The following PDLIM5 variants were observed in gnomAD, a reference collection of about 807,000 sequenced individuals.
PDLIM5 encodes the protein PDZ and LIM domain 5, also known as PDZ and LIM domain protein 5.
Under a neutral mutation model 64.2 loss-of-function variants are expected in PDLIM5, and 34 were observed. The ratio of observed to expected loss-of-function variants is 0.53; its 90% CI spans 0.40 to 0.71. PDLIM5 has a LOEUF of 0.71. Ranked by LOEUF, PDLIM5 falls within the 30% of genes least tolerant of loss-of-function variation. The probability of loss-of-function intolerance (pLI) is 0.00; values close to 1 mark genes in which losing one functional copy is unlikely to be tolerated. For missense variants in PDLIM5, 683 were observed against 733.6 expected (o/e 0.93, Z 0.80); for synonymous variants, 253 against 269.1 (o/e 0.94, Z 0.59).
chr4:94,646,482 T>A (rs1055999842), intron 9 of PDLIM5, among the ~76,000 whole-genome samples: 2 of 152,206 alleles, frequency 1.3e-5, no homozygotes, highest in African/African-American at 4.8e-5. Context: ...AGCCACCCAG[T>A]CTGTGGTACT....
chr4:94,584,782 T>A, intron 5 of PDLIM5: 2 of 515,274 alleles, frequency 3.9e-6, no homozygotes, highest in Non-Finnish European at 7.0e-6. Flanking sequence ...AGCAGCATAT[T>A]GATATTAATG....
intron 3 of PDLIM5, among the ~76,000 whole-genome samples, chr4:94,560,599 G>A (rs551656878): frequency 1.3e-5 from 2 of 152,298 alleles, no homozygotes; most frequent in South Asian, 4.1e-4. Flanking sequence ...ACTTGTCCCA[G>A]GTTGAACAAC....
intron 2 of PDLIM5, among the ~76,000 whole-genome samples, chr4:94,491,228 G>C (rs1307073687): frequency 6.6e-6 from 1 of 152,150 alleles, no homozygotes; most frequent in Non-Finnish European, 1.5e-5. Flanking sequence ...CCTAGCATTT[G>C]TACTTTAGAG....
At chr4:94,543,782 GTGTGTGTGTGT>G (rs1732049555) in intron 3 of PDLIM5, among the ~76,000 whole-genome samples, 1 of 942 alleles carries the variant, frequency 1.1e-3, no homozygotes. Context: ...ATTCCACTGT[GTGTGTGTGTGT>G]GTGTGTGTGT....
At chr4:94,573,610 A>G in intron 4 of PDLIM5, 2 of 540,462 alleles carry the variant, frequency 3.7e-6, no homozygotes, top group South Asian at 2.5e-5. Flanking sequence ...TTCCAAAGCC[A>G]TATGTTACAA....
In PDLIM5 at chr4:94,541,755, A is replaced by G. The variant is rs560966937; in HGVS notation, c.248+17880A>G. On this transcript the variant is annotated intron_variant, in intron 3 of 12. Transcript: ENST00000317968. ...CCCAGCTGGAGGGGGCTGATGGAGG[A>G]CACAGCTTCTGTCATCCAGCGCCTC... Among the ~76,000 whole-genome samples the G allele has an allele frequency of 2.0e-5, 3 of 152,308 alleles. 1 individual carries two copies. The South Asian group carries it at 6.2e-4, about 32-fold the overall frequency.
chr4:94,511,396 C>G (rs1486732762), intron 2 of PDLIM5, among the ~76,000 whole-genome samples: 2 of 152,072 alleles, frequency 1.3e-5, no homozygotes, highest in Admixed American at 6.6e-5. Flanking sequence ...TACAGGCATG[C>G]AATGCATAAT....
intron 5 of PDLIM5, among the ~76,000 whole-genome samples, 195 bp from the exon 6 acceptor site, chr4:94,585,370 G>A (rs1736096250): frequency 6.6e-6 from 1 of 152,066 alleles, no homozygotes; most frequent in Non-Finnish European, 1.5e-5. Flanking sequence ...GATTACAGGC[G>A]TGAGCCACCG....
At chr4:94,635,353 T>G (rs1173594335) in intron 8 of PDLIM5, among the ~76,000 whole-genome samples, 1 of 152,186 alleles carries the variant, frequency 6.6e-6, no homozygotes, top group Non-Finnish European at 1.5e-5. Flanking sequence ...GTTTCCTGAC[T>G]TGCTCATTAT....
At chr4:94,571,718 TAAAGTA>T in intron 3 of PDLIM5, among the ~76,000 whole-genome samples, 1 of 152,348 alleles carries the variant, frequency 6.6e-6, no homozygotes, top group Admixed American at 6.5e-5. Flanking sequence ...ATGACATTGT[TAAAGTA>T]AAAGATGCTC....
intron 2 of PDLIM5, among the ~76,000 whole-genome samples, chr4:94,474,367 C>T (rs930930702): frequency 1.3e-5 from 2 of 152,188 alleles, no homozygotes; most frequent in Non-Finnish European, 2.9e-5. Flanking sequence ...TCTTCTGCCT[C>T]AGCCTCCCGA....
chr4:94,470,115 T>C (rs981758910), intron 2 of PDLIM5, among the ~76,000 whole-genome samples: 17 of 151,884 alleles, frequency 1.1e-4, no homozygotes, highest in Non-Finnish European at 2.5e-4. Context: ...TACAGGCACA[T>C]GCCACCACAC....
chr4:94,489,701 GAATTGCTT>G (rs1353463533), intron 2 of PDLIM5, among the ~76,000 whole-genome samples: 3 of 152,084 alleles, frequency 2.0e-5, no homozygotes, highest in African/African-American at 7.2e-5. Flanking sequence ...CAAAGTGGAA[GAATTGCTT>G]GAGCCCAGGA....
chr4:94,581,327 A>T (rs1299366502), intron 5 of PDLIM5, among the ~76,000 whole-genome samples: 1 of 152,166 alleles, frequency 6.6e-6, no homozygotes, highest in Admixed American at 6.5e-5. Context: ...CCGCTCCACC[A>T]CACCATTGAA....
Position 94,508,463 on chromosome 4 carries a change from A to T in PDLIM5, c.97-15261A>T, listed in dbSNP as rs2110098522. Among the ~76,000 whole-genome samples, 4 of 152,306 alleles carry T rather than the reference A, an allele frequency of 2.6e-5. No homozygotes were observed. In the Middle Eastern group the frequency reaches 0.014, roughly 518 times the overall value. On this transcript the variant is annotated intron_variant, in intron 2 of 12. Coordinates refer to ENST00000317968, the MANE Select transcript of PDLIM5 (RefSeq NM_006457.5). Reference sequence around the variant, plus strand: ...ACTTGGCTCCTTGGGTCAAGTGTTGATGGGCCTTGGTTTTGAAAGGCTACA... The same window carrying T: ...ACTTGGCTCCTTGGGTCAAGTGTTGTTGGGCCTTGGTTTTGAAAGGCTACA...
chr4:94,662,597 A>G (rs1742825625), intron 12 of PDLIM5, 60 bp downstream of exon 12: 3 of 692,336 alleles, frequency 4.3e-6, no homozygotes, highest in Non-Finnish European at 7.8e-6. Flanking sequence ...TAGCTTTAGT[A>G]TTTAATGGAA....
intron 2 of PDLIM5, among the ~76,000 whole-genome samples, chr4:94,508,519 C>T (rs1291763413): frequency 6.6e-6 from 1 of 152,104 alleles, no homozygotes; most frequent in Non-Finnish European, 1.5e-5. Flanking sequence ...GCCATACGTC[C>T]TGGGGCTGGA....
At chr4:94,479,281 G>A (rs890214009) in intron 2 of PDLIM5, among the ~76,000 whole-genome samples, 5 of 146,778 alleles carry the variant, frequency 3.4e-5, no homozygotes, top group Admixed American at 2.8e-4. Context: ...CCTATTATTG[G>A]TTAGACAAAA....
intron 7 of PDLIM5, chr4:94,588,122 A>G: frequency 2.1e-6 from 2 of 950,554 alleles, no homozygotes; most frequent in Non-Finnish European, 2.5e-6. Context: ...AGTTGCCTTT[A>G]ACTTAGCTTT....
Sources: allele counts gnomAD v4.1 joint callset (sites outside exome capture counted in the v4.1 genomes callset), GRCh38; gene constraint gnomAD v4.1.1; transcripts MANE v1.5; gene names NCBI Gene and HGNC (gene_info 2026-07-23, HGNC 2026-07-21).